Variants in KLHL1 observed in about 807,000 individuals in gnomAD.
KLHL1 encodes the protein kelch like family member 1, also known as kelch-like protein 1.
KLHL1 carries 47 observed loss-of-function variants against 77.7 expected under a neutral mutation model. That is an observed-to-expected ratio of 0.60 (90% CI 0.48 to 0.77). The LOEUF is 0.77. Among genes scored for constraint, KLHL1 ranks in the 30% least tolerant of loss-of-function variants. KLHL1 has a pLI of 0.00. For missense variants in KLHL1, 925 were observed against 910.8 expected, an observed-to-expected ratio of 1.02 and a Z score of -0.20; for synonymous variants, 360 against 325.2, an observed-to-expected ratio of 1.11 and a Z score of -1.15.
At chr13:69,949,686 A>G (rs529257448) in intron 3 of KLHL1, among the ~76,000 whole-genome samples, 5 of 151,708 alleles carry the variant, frequency 3.3e-5, no homozygotes, top group African/African-American at 1.2e-4. Context: ...TATGTGGGAA[A>G]TTTGTCTATT....
chr13:69,754,964 G>A (rs1874643317), intron 7 of KLHL1, among the ~76,000 whole-genome samples: 1 of 152,018 alleles, frequency 6.6e-6, no homozygotes, highest in Non-Finnish European at 1.5e-5. Context: ...TCTTCTTCCT[G>A]CATCTATGAC....
In KLHL1 at chr13:70,107,199, G is replaced by A. The variant is rs374814606; in HGVS notation, c.497+4C>T. ...CTTGGAAGCCCCGTGGGGACTTACT[G>A]TACCTGTGTCCACATCCTTCACCTG... On this transcript the variant is annotated splice_donor_region_variant and intron_variant, in intron 1 of 10. Coordinates refer to ENST00000377844, the MANE Select transcript of KLHL1 (RefSeq NM_020866.3). 2 of 1,599,698 alleles carry A rather than the reference G, an allele frequency of 1.3e-6. No individual in the cohort carries two copies. The highest frequency in any genetic ancestry group is 1.7e-6 in the Non-Finnish European group (2 of 1,172,434).
chr13:70,086,715 T>TC lies in KLHL1; in HGVS notation c.497+20487_497+20488insG, dbSNP rs1209958284. On this transcript the variant is annotated intron_variant, in intron 1 of 10. Coordinates refer to ENST00000377844, the MANE Select transcript of KLHL1 (RefSeq NM_020866.3). ...ATGATTGCCCTTTTCAAACTTTTTTTTTTTTTCAAATCTTACCTCTTATAT... is the reference window on the plus strand; with the variant it reads ...ATGATTGCCCTTTTCAAACTTTTTTTCTTTTTTCAAATCTTACCTCTTATAT... 4.0e-5 allele frequency among the ~76,000 whole-genome samples: 6 copies of TC among 151,722 alleles called. No homozygotes were observed. The East Asian group carries it at 9.7e-4, about 24-fold the overall frequency.
At chr13:69,926,026 C>G (rs1882802932) in intron 4 of KLHL1, among the ~76,000 whole-genome samples, 1 of 152,188 alleles carries the variant, frequency 6.6e-6, no homozygotes, top group African/African-American at 2.4e-5. Context: ...CCTTTCAAGT[C>G]AGTCTATATA....
chr13:69,723,635 T>C (rs1441343588), intron 8 of KLHL1, among the ~76,000 whole-genome samples: 1 of 151,924 alleles, frequency 6.6e-6, no homozygotes, highest in East Asian at 1.9e-4. Context: ...GAAGAGGAGG[T>C]TGGACATACC....
At chr13:69,712,006 C>T (rs1263862136) in intron 9 of KLHL1, among the ~76,000 whole-genome samples, 1 of 152,086 alleles carries the variant, frequency 6.6e-6, no homozygotes, top group Non-Finnish European at 1.5e-5. Flanking sequence ...TAGTCATTGC[C>T]TATTTGGATA....
chr13:69,704,205 G>A lies in KLHL1; in HGVS notation c.2188-2444C>T, dbSNP rs540449511. Among the ~76,000 whole-genome samples the A allele has an allele frequency of 4.6e-5, 7 of 151,690 alleles. No individual in the cohort carries two copies. The South Asian group carries it at 1.4e-3, about 31-fold the overall frequency. Reference sequence around the variant, plus strand: ...TTTCTGTTTTTTCAAAAAACAAAATGTGATATTCCCCTTGTGTTTCTTATG... The same window carrying A: ...TTTCTGTTTTTTCAAAAAACAAAATATGATATTCCCCTTGTGTTTCTTATG... On this transcript the variant is annotated intron_variant, in intron 10 of 10. Coordinates refer to ENST00000377844, the MANE Select transcript of KLHL1 (RefSeq NM_020866.3).
At chr13:70,043,749 T>G (rs919592492) in intron 1 of KLHL1, among the ~76,000 whole-genome samples, 2 of 152,204 alleles carry the variant, frequency 1.3e-5, no homozygotes, top group African/African-American at 4.8e-5. Flanking sequence ...TGTAGGAGGC[T>G]GTACCATCTC....
chr13:69,798,300 C>A (rs1877217839), intron 6 of KLHL1, among the ~76,000 whole-genome samples: 1 of 152,150 alleles, frequency 6.6e-6, no homozygotes, highest in Non-Finnish European at 1.5e-5. Context: ...CCTCTGGGGA[C>A]TCATTTACTC....
At chr13:69,991,906 C>G (rs959369116) in intron 1 of KLHL1, among the ~76,000 whole-genome samples, 1 of 151,984 alleles carries the variant, frequency 6.6e-6, no homozygotes, top group Non-Finnish European at 1.5e-5. Context: ...ATTTTACCCA[C>G]TTCTGCACAA....
chr13:69,871,119 T>C (rs1390771432), intron 5 of KLHL1, among the ~76,000 whole-genome samples: 3 of 152,256 alleles, frequency 2.0e-5, no homozygotes, highest in Non-Finnish European at 2.9e-5. Context: ...TTCCACCGCT[T>C]TTCCATTGTG....
intron 5 of KLHL1, among the ~76,000 whole-genome samples, chr13:69,880,740 G>T (rs902325824): frequency 6.6e-6 from 1 of 152,200 alleles, no homozygotes. Context: ...GACATATCCT[G>T]AGAAGAGGAA....
At chr13:69,828,442 G>A (rs1878631262) in intron 6 of KLHL1, among the ~76,000 whole-genome samples, 1 of 150,108 alleles carries the variant, frequency 6.7e-6, no homozygotes, top group South Asian at 2.1e-4. Flanking sequence ...TCTTGGGGAG[G>A]GAAGCCAGTG....
At chr13:70,043,327 A>G (rs1886422569) in intron 1 of KLHL1, among the ~76,000 whole-genome samples, 1 of 152,230 alleles carries the variant, frequency 6.6e-6, no homozygotes, top group South Asian at 2.1e-4. Flanking sequence ...TTTTAAGCTC[A>G]GTGTTATTAC....
At chr13:70,001,179 G>A (rs1200122573) in intron 1 of KLHL1, among the ~76,000 whole-genome samples, 1 of 150,618 alleles carries the variant, frequency 6.6e-6, no homozygotes, top group Non-Finnish European at 1.5e-5. Flanking sequence ...TTGCTGAAAT[G>A]GCAAATTTTC....
Position 69,933,055 on chromosome 13 carries a change from C to T in KLHL1, c.1014+6985G>A, listed in dbSNP as rs529804547. Among the ~76,000 whole-genome samples the T allele has an allele frequency of 6.5e-3, 986 of 152,052 alleles. 15 individuals are homozygous for T. The highest frequency in any genetic ancestry group is 0.023 in the African/African-American group (941 of 41,502). ...CAGCCTGCCACATTTTTACTTAGTT[C>T]TTTTCAACATTAAACATCACTAGTC... On this transcript the variant is annotated intron_variant, in intron 4 of 10. Transcript: ENST00000377844.
intron 1 of KLHL1, among the ~76,000 whole-genome samples, chr13:70,054,589 C>A (rs1321582663): frequency 2.0e-5 from 3 of 151,728 alleles, no homozygotes; most frequent in Admixed American, 2.0e-4. Flanking sequence ...TGACCAACCC[C>A]CAAGTGACAT....
chr13:69,779,188 A>G (rs1207207720), intron 7 of KLHL1, among the ~76,000 whole-genome samples: 3 of 152,198 alleles, frequency 2.0e-5, no homozygotes, highest in African/African-American at 7.2e-5. Flanking sequence ...GAACAAGTAC[A>G]TAATGCATTG....
chr13:69,734,219 T>G (rs974915548), intron 8 of KLHL1, among the ~76,000 whole-genome samples: 1 of 152,114 alleles, frequency 6.6e-6, no homozygotes, highest in Non-Finnish European at 1.5e-5. Context: ...CCCACCTGGA[T>G]CTTTTGCTCC....
Sources: gnomAD v4.1 joint callset for allele counts (sites outside exome capture counted in the v4.1 genomes callset) on GRCh38, gnomAD v4.1.1 for gene constraint, MANE v1.5 for transcripts, NCBI Gene and HGNC (gene_info 2026-07-23, HGNC 2026-07-21) for gene names.